Variants in NR2C2 observed in about 807,000 individuals in gnomAD.
The protein encoded by NR2C2 is Nuclear hormone receptor TR4.
NR2C2 carries 6 observed loss-of-function variants against 62.9 expected under a neutral mutation model. That is an observed-to-expected ratio of 0.10 (90% CI 0.05 to 0.19). NR2C2 has a LOEUF of 0.19. Among genes scored for constraint, NR2C2 ranks in the 10% least tolerant of loss-of-function variants. NR2C2 has a pLI of 1.00. For missense variants in NR2C2, 479 were observed against 762.7 expected, an observed-to-expected ratio of 0.63 and a Z score of 4.38; for synonymous variants, 272 against 273.8, an observed-to-expected ratio of 0.99 and a Z score of 0.07.
chr3:14,970,355 T>C (rs1444869041), intron 1 of NR2C2, among the ~76,000 whole-genome samples: 1 of 152,192 alleles, frequency 6.6e-6, no homozygotes, highest in African/African-American at 2.4e-5. Flanking sequence ...CCATTTTAAC[T>C]GTTTTAAAGT....
At chr3:14,986,658 A>AGTGTCTG (rs1207430212) in intron 1 of NR2C2, among the ~76,000 whole-genome samples, 1 of 152,232 alleles carries the variant, frequency 6.6e-6, no homozygotes, top group Non-Finnish European at 1.5e-5. Flanking sequence ...CTGATACTTT[A>AGTGTCTG]AAAAAGACCT....
At position 15,019,998 on chromosome 3, in the gene NR2C2, A is replaced by G. The variant is rs555341196; in HGVS notation, c.377-755A>G. Reference sequence around the variant, plus strand: ...TTATACAACGTGGATATATTGAAATATCAAATTATGCCTCATAAATATGGA... The same window carrying G: ...TTATACAACGTGGATATATTGAAATGTCAAATTATGCCTCATAAATATGGA... On this transcript the variant is annotated intron_variant, in intron 4 of 13. Transcript: ENST00000425241. Among the ~76,000 whole-genome samples the G allele has an allele frequency of 5.9e-5, 9 of 152,394 alleles. No individual in the cohort carries two copies. In the East Asian group the frequency reaches 1.5e-3, roughly 26 times the overall value.
intron 1 of NR2C2, among the ~76,000 whole-genome samples, chr3:14,961,398 A>G (rs940462527): frequency 2.0e-5 from 3 of 152,260 alleles, no homozygotes; most frequent in African/African-American, 7.2e-5. Context: ...GAGGGAGGGC[A>G]GGCAAATGAA....
intron 5 of NR2C2, among the ~76,000 whole-genome samples, chr3:15,022,216 C>A (rs1480058153): frequency 2.0e-5 from 3 of 152,196 alleles, no homozygotes; most frequent in South Asian, 2.1e-4. Context: ...TCTGCTCTTA[C>A]ATTAGACTGC....
chr3:15,008,236 T>C (rs1316885489), intron 2 of NR2C2, among the ~76,000 whole-genome samples: 1 of 151,190 alleles, frequency 6.6e-6, no homozygotes, highest in Non-Finnish European at 1.5e-5. Context: ...TTTTTTAAAT[T>C]AGGGGGCTGA....
At chr3:15,037,330 C>A (rs1328350961) in intron 11 of NR2C2, among the ~76,000 whole-genome samples, 1 of 151,900 alleles carries the variant, frequency 6.6e-6, no homozygotes, top group Non-Finnish European at 1.5e-5. Context: ...CTTGGCCTCC[C>A]GAAATATTGG....
intron 1 of NR2C2, among the ~76,000 whole-genome samples, chr3:14,988,090 G>C (rs2040559633): frequency 6.6e-6 from 1 of 152,238 alleles, no homozygotes; most frequent in Non-Finnish European, 1.5e-5. Context: ...TGGACAGACA[G>C]ATGTATATAT....
chr3:14,971,132 T>A (rs562583633), intron 1 of NR2C2, among the ~76,000 whole-genome samples: 85 of 152,326 alleles, frequency 5.6e-4, no homozygotes, highest in African/African-American at 1.9e-3. Flanking sequence ...ATTTTTTATT[T>A]TTTTGAGGCA....
intron 1 of NR2C2, among the ~76,000 whole-genome samples, chr3:14,970,642 A>G (rs547774503): frequency 3.8e-4 from 58 of 152,310 alleles, no homozygotes; most frequent in African/African-American, 1.4e-3. Flanking sequence ...TCCATGTTGT[A>G]GCATGTGTCA....
chr3:14,955,221 T>G (rs916481936), intron 1 of NR2C2, among the ~76,000 whole-genome samples: 6 of 152,202 alleles, frequency 3.9e-5, no homozygotes, highest in Non-Finnish European at 7.3e-5. Context: ...ATGTGATTAT[T>G]GTGTAGGTTA....
chr3:15,028,869 A>G (rs2041893685), intron 8 of NR2C2, 150 bp downstream of exon 8: 1 of 839,568 alleles, frequency 1.2e-6, no homozygotes, highest in Non-Finnish European at 1.8e-6. Flanking sequence ...TCTTCTTTGA[A>G]ATTTTAACTG....
At chr3:14,994,439 C>CTTTTTTTTTTTTTTTTTTTTTT (rs4038325) in intron 1 of NR2C2, among the ~76,000 whole-genome samples, 2 of 89,588 alleles carry the variant, frequency 2.2e-5, no homozygotes, top group Non-Finnish European at 4.2e-5. Context: ...TTTATTCATT[C>CTTTTTTTTTTTTTTTTTTTTTT]TTTTTTTTTT....
intron 1 of NR2C2, among the ~76,000 whole-genome samples, chr3:14,950,356 T>C (rs2039316382): frequency 6.6e-6 from 1 of 152,226 alleles, no homozygotes; most frequent in South Asian, 2.1e-4. Flanking sequence ...AGGCAGTATG[T>C]TGTTCAGGCG....
chr3:15,046,699 CTT>C lies in NR2C2; in HGVS notation c.*3694_*3695del, dbSNP rs2042464655. The stretch of plus-strand genomic sequence containing the variant: ...TGGGGTCATAGGTAACATTTTAACT[CTT>C]TTCTTAGTCCAGGTCATAGGAAGTC... On this transcript the variant is annotated 3_prime_UTR_variant, in exon 14 of 14. Coordinates refer to ENST00000425241, the MANE Select transcript of NR2C2 (RefSeq NM_001291694.2). 3 of 152,504 alleles carry C rather than the reference CTT, an allele frequency of 2.0e-5. No individual in the cohort carries two copies. The East Asian group carries it at 5.8e-4, about 29-fold the overall frequency. 9.4% of individuals were successfully genotyped at this position (152,504 alleles called of 1,614,324 possible).
intron 2 of NR2C2, among the ~76,000 whole-genome samples, chr3:15,009,236 T>G (rs1451205533): frequency 6.6e-6 from 1 of 152,090 alleles, no homozygotes; most frequent in South Asian, 2.1e-4. Context: ...AATAAATAAG[T>G]AAATACGGCA....
At chr3:15,018,092 A>G (rs6442493) in intron 4 of NR2C2, among the ~76,000 whole-genome samples, 145,452 of 152,188 alleles carry the variant, frequency 0.96, 69,540 homozygotes, top group African/African-American at 0.99. Flanking sequence ...TTTGCCTCCC[A>G]GATTCAAGCA....
At chr3:15,017,764 C>T (rs1429696227) in intron 4 of NR2C2, among the ~76,000 whole-genome samples, 3 of 152,170 alleles carry the variant, frequency 2.0e-5, no homozygotes, top group African/African-American at 7.2e-5. Context: ...TGAGTTATTC[C>T]AGATGCACAC....
At chr3:15,010,028 C>T (rs1033977106) in intron 2 of NR2C2, among the ~76,000 whole-genome samples, 2 of 152,158 alleles carry the variant, frequency 1.3e-5, no homozygotes, top group African/African-American at 4.8e-5. Flanking sequence ...TTTGCAAAGG[C>T]CCTACTTCCA....
intron 1 of NR2C2, among the ~76,000 whole-genome samples, chr3:15,001,438 A>C (rs1162690066): frequency 6.7e-6 from 1 of 148,724 alleles, no homozygotes; most frequent in Admixed American, 6.8e-5. Flanking sequence ...GGGTTCAAGC[A>C]ATTCTCCTGT....
Sources: allele counts gnomAD v4.1 joint callset (sites outside exome capture counted in the v4.1 genomes callset), GRCh38; gene constraint gnomAD v4.1.1; transcripts MANE v1.5; gene names NCBI Gene and HGNC (gene_info 2026-07-23, HGNC 2026-07-21).